Variants in TRIML1 observed in about 807,000 individuals in gnomAD.
TRIML1 encodes tripartite motif family like 1.
A neutral mutation model predicts 32.3 loss-of-function variants in TRIML1; 34 were observed. The observed-to-expected ratio is 1.05, with a 90% CI of 0.80 to 1.40. The LOEUF is 1.40. Ranked by LOEUF, TRIML1 falls within the 40% of genes most tolerant of loss-of-function variation. The pLI is 0.00. For missense variants in TRIML1, 595 were observed against 574.9 expected (o/e 1.03, Z -0.36); for synonymous variants, 244 against 226.6 (o/e 1.08, Z -0.69).
rs775604324 is a variant in TRIML1 at position 188,144,158 on chromosome 4, C to G, written c.856+25C>G. 3.1e-6 allele frequency: 5 copies of G among 1,593,670 alleles called. No individual in the cohort carries two copies. The Admixed American group carries it at 8.4e-5, about 27-fold the overall frequency. ...AGTAAGTCAGCCTGATTTGTTACCC[C>G]TCCGGGGCTCGAAGAATTAACTTCA... is the stretch of plus-strand genomic sequence containing the variant. On this transcript the variant is annotated intron_variant, in intron 5 of 5. Transcript: ENST00000332517.
downstream of TRIML1, among the ~76,000 whole-genome samples, chr4:188,150,069 G>T (rs79291103): frequency 2.6e-4 from 39 of 152,144 alleles, no homozygotes; most frequent in East Asian, 7.5e-3. Context: ...CTCCCAAAGT[G>T]TTGAGATTAG....
In TRIML1 at chr4:188,147,114, CG is replaced by C; in HGVS notation, c.1151del (p.Gly384GlufsTer12). The C allele has an allele frequency of 6.2e-7, 1 of 1,614,036 alleles. No homozygotes were observed. Among genetic ancestry groups the C allele is most frequent in the East Asian group, 2.2e-5 (1 of 44,876 alleles). ...DLFSLIGLKI[G>X]DDYSLWVSSP... ...TGTTCTCACTAATAGGTTTAAAAAT[CG>C]GAGATGATTACAGCCTCTGGGTCTC... On this transcript the variant is annotated frameshift_variant, in exon 6 of 6. Transcript: ENST00000332517. LOFTEE classifies it low-confidence loss of function (END_TRUNC).
upstream of TRIML1, among the ~76,000 whole-genome samples, chr4:188,137,916 C>CTTTTTTTTTTTTTTTTTTTTT (rs1298700958): frequency 7.6e-6 from 1 of 131,524 alleles, no homozygotes. Flanking sequence ...CCTGGCCAAA[C>CTTTTTTTTTTTTTTTTTTTTT]TTTTTTTCTT....
At chr4:188,143,495 A>G (rs559986217) in intron 3 of TRIML1, 17 of 337,874 alleles carry the variant, frequency 5.0e-5, no homozygotes, top group South Asian at 4.6e-4. Flanking sequence ...GGTTAGCCTC[A>G]GTTCTCACCA....
At position 188,139,808 on chromosome 4, in the gene TRIML1, C is replaced by G. The variant is rs781361166; in HGVS notation, c.250C>G (p.Gln84Glu). The G allele has an allele frequency of 1.9e-6, 3 of 1,613,846 alleles. No homozygotes were observed. The African/African-American group carries it at 4.0e-5, about 22-fold the overall frequency. ...CAGCATCGCCAGGCAGCTCCGGTCC[C>G]AGGTGCTGCAGAGCGAGGATGAGCA... is the stretch of plus-strand genomic sequence containing the variant. ...LASIARQLRS[Q>E]VLQSEDEQGS... The change falls in exon 1 of 6, where the codon CAG (glutamine) becomes GAG (glutamate). Residue 84 changes from glutamine (Q) to glutamate (E), a missense_variant. Gln to Glu is a conservative substitution (Grantham distance 29, BLOSUM62 2). Transcript: ENST00000332517.
rs1012088373 is a variant in TRIML1, at chr4:188,144,474, T to C, written c.856+341T>C. Among the ~76,000 whole-genome samples the C allele has an allele frequency of 1.4e-4, 20 of 145,474 alleles. 1 individual carries two copies. The highest frequency in any genetic ancestry group is 9.6e-4 in the South Asian group (4 of 4,178). ...GCTTCCCGGGTTCACGCCATTCTCC[T>C]GCCTCAGCCTCCCGAGTAGCTGGGA... On this transcript the variant is annotated intron_variant, in intron 5 of 5. Transcript: ENST00000332517.
chr4:188,149,465 T>C (rs962493786), downstream of TRIML1, among the ~76,000 whole-genome samples: 9 of 150,712 alleles, frequency 6.0e-5, no homozygotes, highest in African/African-American at 2.2e-4. Context: ...TTCAACCTGT[T>C]AATCAGCACA....
rs137925264 is a variant in TRIML1, at chr4:188,142,432, A to G, written c.685A>G (p.Ile229Val). The change falls in exon 3 of 6, where the codon ATC (isoleucine) becomes GTC (valine). Residue 229 changes from isoleucine to valine, a missense_variant. By Grantham distance (29) the Ile-to-Val change is conservative (BLOSUM62 3). Coordinates refer to ENST00000332517, the MANE Select transcript of TRIML1 (RefSeq NM_178556.5). ...GCAAATCAGAAGCCTAAGCAAAATG[A>G]TCGCACAGATTGAGTCCTCAAGTCA... ...TQQIRSLSKM[I>V]AQIESSSQSS... The G allele has an allele frequency of 6.7e-5, 108 of 1,613,834 alleles. No individual in the cohort carries two copies. Among genetic ancestry groups the G allele is most frequent in the Non-Finnish European group, 8.2e-5 (97 of 1,180,020 alleles).
chr4:188,144,851 T>G (rs944112550), intron 5 of TRIML1, among the ~76,000 whole-genome samples: 8 of 152,134 alleles, frequency 5.3e-5, no homozygotes, highest in African/African-American at 1.9e-4. Flanking sequence ...ATGCTCCAGA[T>G]GTTTAGTCCA....
At chr4:188,150,763 A>G (rs1735233207), downstream of TRIML1, among the ~76,000 whole-genome samples, 1 of 151,276 alleles carries the variant, frequency 6.6e-6, no homozygotes, top group Non-Finnish European at 1.5e-5. Flanking sequence ...CCTGCCACTG[A>G]TGAGGTGTGT....
Position 188,139,532 on chromosome 4 carries a change from C to A in TRIML1, c.-27C>A. ...TGCTAATCCCAGAACAGAGGTGTAA[C>A]CTGGCTGCATATCCAGCCTCGAGAA... On this transcript the variant is annotated 5_prime_UTR_variant, in exon 1 of 6. Transcript: ENST00000332517. The A allele has an allele frequency of 6.5e-7, 1 of 1,547,506 alleles. No individual in the cohort carries two copies. Among genetic ancestry groups the A allele is most frequent in the African/African-American group, 1.4e-5 (1 of 73,238 alleles).
intron 2 of TRIML1, among the ~76,000 whole-genome samples, chr4:188,141,733 T>C (rs1206371917): frequency 1.3e-5 from 2 of 152,126 alleles, no homozygotes; most frequent in African/African-American, 4.8e-5. Context: ...ATAGCGCACA[T>C]ACCTCCGAAA....
chr4:188,147,743 A>G lies in TRIML1; in HGVS notation c.*371A>G, dbSNP rs923729941. 6.1e-6 allele frequency: 1 copy of G among 164,544 alleles called. No homozygotes were observed. Among genetic ancestry groups the G allele is most frequent in the African/African-American group, 2.4e-5 (1 of 42,018 alleles). The allele number at this position is 164,544 out of a possible 1,614,324, so 10.2% of individuals were successfully genotyped here. A position where few individuals can be genotyped will look rare whatever the true frequency, so the allele number is the denominator to read the frequency against. On this transcript the variant is annotated 3_prime_UTR_variant, in exon 6 of 6. Transcript: ENST00000332517. ...GTATTTAATTATTTGACTCTTAAAA[A>G]CTGTGCTGCTCGAATGTGTCTTTGT...
At chr4:188,145,048 C>T (rs1379304790) in intron 5 of TRIML1, among the ~76,000 whole-genome samples, 1 of 152,060 alleles carries the variant, frequency 6.6e-6, no homozygotes. Flanking sequence ...TTTTGCCTTT[C>T]CTTTTGTAGA....
At position 188,146,998 on chromosome 4, in the gene TRIML1, G is replaced by A. The variant is rs370752590; in HGVS notation, c.1033G>A (p.Val345Met). Residue 345 changes from valine to methionine, a missense_variant, in exon 6 of 6, where the codon GTG (valine) becomes ATG (methionine). Val to Met is a conservative substitution (Grantham distance 21). Coordinates refer to ENST00000332517, the MANE Select transcript of TRIML1 (RefSeq NM_178556.5). The part of the protein sequence containing the change: ...IFTSGRHYWE[V>M]EVGNKTEWEV... ...CACCAGTGGGAGACACTACTGGGAG[G>A]TGGAGGTGGGAAACAAGACCGAGTG... 4 of 1,590,862 alleles carry A rather than the reference G, an allele frequency of 2.5e-6. No individual in the cohort carries two copies. Among genetic ancestry groups the A allele is most frequent in the African/African-American group, 1.3e-5 (1 of 74,606 alleles).
intron 3 of TRIML1, 42 bp from the exon 4 acceptor site, chr4:188,143,796 A>T (rs1345036053): frequency 1.2e-6 from 2 of 1,613,414 alleles, no homozygotes; most frequent in Non-Finnish European, 1.7e-6. Flanking sequence ...CTGTGTTATG[A>T]TCAAAGCGCA....
intron 5 of TRIML1, 113 bp downstream of exon 5, chr4:188,144,246 G>A: frequency 1.1e-6 from 1 of 909,462 alleles, no homozygotes; most frequent in Admixed American, 2.2e-5. Context: ...TAAGGAATCC[G>A]GGCCAGCACG....
intron 5 of TRIML1, among the ~76,000 whole-genome samples, chr4:188,144,987 G>A (rs548728194): frequency 5.1e-4 from 78 of 152,200 alleles, no homozygotes; most frequent in Admixed American, 4.8e-3. Flanking sequence ...CATGGGCCCC[G>A]GCACTATGCT....
rs375633812 is a variant in TRIML1, at chr4:188,144,180, T to A, written c.856+47T>A. 3.9e-5 allele frequency: 58 copies of A among 1,490,126 alleles called. No homozygotes were observed. The East Asian group carries it at 1.3e-3, about 32-fold the overall frequency. The allele number at this position is 1,490,126 out of a possible 1,614,324, so 92.3% of individuals were successfully genotyped here. On this transcript the variant is annotated intron_variant, in intron 5 of 5. Transcript: ENST00000332517. ...CCCCTCCGGGGCTCGAAGAATTAAC[T>A]TCAGCATACCTTCTTCCAGTGTCAG...
Sources: allele counts gnomAD v4.1 joint callset (sites outside exome capture counted in the v4.1 genomes callset), GRCh38; gene constraint gnomAD v4.1.1; transcripts MANE v1.5; gene names NCBI Gene and HGNC (gene_info 2026-07-23, HGNC 2026-07-21).